ATG7: variants seen among roughly 807,000 people sequenced by gnomAD.
The protein encoded by ATG7 is ubiquitin-like modifier-activating enzyme ATG7.
In ATG7, 70 loss-of-function variants were observed where a neutral mutation model predicts 82.4. That is an observed-to-expected ratio of 0.85 (90% CI 0.70 to 1.04). The LOEUF (loss-of-function observed/expected upper bound fraction) is 1.04, where lower values mean the gene tolerates loss of function less well. ATG7 is among the 50% of genes least tolerant of loss of function. The pLI, the probability that ATG7 is intolerant of heterozygous loss-of-function variation, is 0.00. For missense variants in ATG7, 792 were observed against 864.3 expected (o/e 0.92, Z 1.05); for synonymous variants, 287 against 313.0 (o/e 0.92, Z 0.88).
At chr3:11,489,135 G>A (rs1037832191) in intron 20 of ATG7, among the ~76,000 whole-genome samples, 1 of 152,144 alleles carries the variant, frequency 6.6e-6, no homozygotes, top group Non-Finnish European at 1.5e-5. Flanking sequence ...GTCTTGGGAG[G>A]GTGTATGTGT....
At chr3:11,322,935 C>CAAA (rs1159121528) in intron 9 of ATG7, among the ~76,000 whole-genome samples, 1 of 152,078 alleles carries the variant, frequency 6.6e-6, no homozygotes, top group African/African-American at 2.4e-5. Flanking sequence ...TCTGTCTCTA[C>CAAA]AAAAAATTTA....
chr3:11,329,554 C>T (rs1280059510), intron 9 of ATG7, among the ~76,000 whole-genome samples: 1 of 152,200 alleles, frequency 6.6e-6, no homozygotes, highest in Non-Finnish European at 1.5e-5. Flanking sequence ...ATACAAAAAA[C>T]ATTCACCGAG....
At chr3:11,301,899 G>A (rs1946843450) in intron 5 of ATG7, among the ~76,000 whole-genome samples, 1 of 152,092 alleles carries the variant, frequency 6.6e-6, no homozygotes, top group East Asian at 1.9e-4. Context: ...TAATTAATTA[G>A]AAAAATGCAG....
At chr3:11,498,351 C>T (rs1161140756) in intron 20 of ATG7, among the ~76,000 whole-genome samples, 1 of 152,126 alleles carries the variant, frequency 6.6e-6, no homozygotes, top group Non-Finnish European at 1.5e-5. Context: ...CAGTGCAGTC[C>T]CCTGTATGGC....
chr3:11,386,534 GC>G (rs2078327190), intron 19 of ATG7, among the ~76,000 whole-genome samples: 2 of 152,146 alleles, frequency 1.3e-5, no homozygotes, highest in Non-Finnish European at 2.9e-5. Context: ...ACTGGCCAGA[GC>G]CCAGTCGGAA....
chr3:11,573,263 GAA>G, the ATG7 span, among the ~76,000 whole-genome samples: 213 of 10,128 alleles, frequency 0.021, 21 homozygotes, highest in African/African-American at 0.14. Context: ...AAGAAAGAAA[GAA>G]AGAAAGAAAG....
chr3:11,541,660 C>T (rs761669274), intron 20 of ATG7, among the ~76,000 whole-genome samples: 14 of 152,144 alleles, frequency 9.2e-5, no homozygotes, highest in Admixed American at 1.3e-4. Context: ...TGTTTATATC[C>T]TGCGTCCTCC....
intron 20 of ATG7, among the ~76,000 whole-genome samples, chr3:11,456,095 C>T (rs1188294803): frequency 6.6e-6 from 1 of 151,918 alleles, no homozygotes; most frequent in Non-Finnish European, 1.5e-5. Context: ...ATTTCATCAC[C>T]CCCAAAGGAA....
Position 11,478,536 on chromosome 3 carries a change from T to G in ATG7, c.2079+51610T>G, listed in dbSNP as rs565589470. ...TTCCAGAGAGCACGTTTTTAGCCAC[T>G]ATCTCTGACTATTAAATCACTTACA... On this transcript the variant is annotated intron_variant, in intron 20 of 20. Transcript: ENST00000693202. Among the ~76,000 whole-genome samples, 4 of 152,328 alleles carry G rather than the reference T, an allele frequency of 2.6e-5. No individual in the cohort carries two copies. The South Asian group carries it at 8.3e-4, about 32-fold the overall frequency.
At chr3:11,566,450 A>C in the ATG7 span, among the ~76,000 whole-genome samples, 1 of 152,198 alleles carries the variant, frequency 6.6e-6, no homozygotes, top group Non-Finnish European at 1.5e-5. Context: ...ATTCCAGAGC[A>C]ATCTCTTTAT....
At position 11,294,159 on chromosome 3, in the gene ATG7, GC is replaced by G. The variant is rs796582322; in HGVS notation, c.-10-4524del. 1.1e-4 allele frequency among the ~76,000 whole-genome samples: 16 copies of G among 151,950 alleles called. 1 individual carries two copies. Among genetic ancestry groups the G allele is most frequent in the African/African-American group, 3.6e-4 (15 of 41,492 alleles). ...AAAGAGGGAAAGGGAGAGATTAGAGGCCCAGGAAACAACAGGAGGCTGTGAG... is the reference window on the plus strand; with the variant it reads ...AAAGAGGGAAAGGGAGAGATTAGAGGCCAGGAAACAACAGGAGGCTGTGAG... On this transcript the variant is annotated intron_variant, in intron 3 of 20. Transcript: ENST00000693202.
intron 14 of ATG7, among the ~76,000 whole-genome samples, chr3:11,354,321 T>C (rs992151592): frequency 6.6e-6 from 1 of 152,060 alleles, no homozygotes; most frequent in Admixed American, 6.6e-5. Context: ...CAACTGATCT[T>C]TTATAAATCA....
In ATG7 at chr3:11,299,355, T is replaced by C; in HGVS notation, c.161-7T>C. On this transcript the variant is annotated splice_polypyrimidine_tract_variant and splice_region_variant and intron_variant, in intron 4 of 20. Transcript: ENST00000693202. ...GTCATTGAAAATGTGATAATGCTTC[T>C]GTCCAGGTGACTCTGCTGGGCTGCC... 1 of 1,607,900 alleles carries C rather than the reference T, an allele frequency of 6.2e-7. No homozygotes were observed. Among genetic ancestry groups the C allele is most frequent in the Non-Finnish European group, 8.5e-7 (1 of 1,174,378 alleles).
At chr3:11,574,904 T>A in the ATG7 span, among the ~76,000 whole-genome samples, 2 of 150,842 alleles carry the variant, frequency 1.3e-5, no homozygotes, top group East Asian at 4.0e-4. Flanking sequence ...AAGAGCCCCA[T>A]CTTATGCGCC....
At chr3:11,463,090 G>C (rs2086496647) in intron 20 of ATG7, among the ~76,000 whole-genome samples, 1 of 151,960 alleles carries the variant, frequency 6.6e-6, no homozygotes, top group South Asian at 2.1e-4. Flanking sequence ...TTGCCATGTT[G>C]ATCAGGCTGG....
chr3:11,515,061 G>A (rs1289456212), intron 20 of ATG7, among the ~76,000 whole-genome samples: 1 of 151,972 alleles, frequency 6.6e-6, no homozygotes, highest in Non-Finnish European at 1.5e-5. Context: ...GGCTAGTCTC[G>A]ACCTCCTTAC....
chr3:11,332,293 C>T lies in ATG7; in HGVS notation c.768-679C>T, dbSNP rs139908352. Among the ~76,000 whole-genome samples the T allele has an allele frequency of 4.4e-3, 668 of 152,222 alleles. 4 individuals are homozygous for T. The highest frequency in any genetic ancestry group is 7.7e-3 in the Non-Finnish European group (522 of 68,030). ...TAAGTTGGACCTAAAATAATACATA[C>T]TCCATGATTCCATTTATGTAAAGTT... On this transcript the variant is annotated intron_variant, in intron 10 of 20. Transcript: ENST00000693202.
intron 3 of ATG7, among the ~76,000 whole-genome samples, chr3:11,297,470 T>G (rs1413185842): frequency 6.6e-6 from 1 of 152,160 alleles, no homozygotes. Flanking sequence ...AATTTGCTTT[T>G]TGGAGCTGCC....
At chr3:11,444,096 C>T (rs1359936589) in intron 20 of ATG7, among the ~76,000 whole-genome samples, 10 of 152,122 alleles carry the variant, frequency 6.6e-5, no homozygotes, top group Non-Finnish European at 1.5e-4. Context: ...TAGATTCTTT[C>T]GTGTCTTGTT....
Sources: gnomAD v4.1 joint callset for allele counts (sites outside exome capture counted in the v4.1 genomes callset) on GRCh38, gnomAD v4.1.1 for gene constraint, MANE v1.5 for transcripts, NCBI Gene and HGNC (gene_info 2026-07-23, HGNC 2026-07-21) for gene names.